DLGAP1: variants seen among roughly 807,000 people sequenced by gnomAD.
DLGAP1 encodes disks large-associated protein 1.
Under a neutral mutation model 90.8 loss-of-function variants are expected in DLGAP1, and 11 were observed. That is an observed-to-expected ratio of 0.12 (90% CI 0.08 to 0.20). The LOEUF is 0.20. Among genes scored for constraint, DLGAP1 ranks in the 10% least tolerant of loss-of-function variants. The pLI is 1.00. For missense variants in DLGAP1, 1,050 were observed against 1,333.8 expected, an observed-to-expected ratio of 0.79 and a Z score of 3.31; for synonymous variants, 558 against 540.7, an observed-to-expected ratio of 1.03 and a Z score of -0.44.
chr18:3,784,554 C>A (rs1451931677), intron 5 of DLGAP1, among the ~76,000 whole-genome samples: 8 of 152,138 alleles, frequency 5.3e-5, no homozygotes, highest in Admixed American at 5.2e-4. Flanking sequence ...TCAACGGCAA[C>A]CCACCCACAA....
chr18:4,162,023 A>G (rs2076854477), intron 1 of DLGAP1, among the ~76,000 whole-genome samples: 6 of 152,150 alleles, frequency 3.9e-5, no homozygotes, highest in Admixed American at 3.9e-4. Flanking sequence ...GTGTCTTAAA[A>G]AAATGTATTC....
At chr18:4,120,368 A>G (rs1264702341) in intron 2 of DLGAP1, among the ~76,000 whole-genome samples, 1 of 152,218 alleles carries the variant, frequency 6.6e-6, no homozygotes, top group Non-Finnish European at 1.5e-5. Context: ...AGACAACATG[A>G]GTTCTGTATC....
Position 4,014,757 on chromosome 18 carries a change from C to T in DLGAP1, c.-158-9556G>A, listed in dbSNP as rs372766132. 6.5e-4 allele frequency among the ~76,000 whole-genome samples: 99 copies of T among 152,246 alleles called. 1 individual carries two copies. In the South Asian group the frequency reaches 0.019, roughly 30 times the overall value. ...TATAGTGTAAATATTAGACTAGAGCCATTCTGGACAAGCACCTGTTCAACA... is the reference window on the plus strand; with the variant it reads ...TATAGTGTAAATATTAGACTAGAGCTATTCTGGACAAGCACCTGTTCAACA... On this transcript the variant is annotated intron_variant, in intron 2 of 12. Transcript: ENST00000315677.
rs986136792 is a variant in DLGAP1 at position 3,691,926 on chromosome 18, TAAAAATAAA to T, written c.1591+37200_1591+37208del. Among the ~76,000 whole-genome samples the T allele has an allele frequency of 2.6e-4, 40 of 151,298 alleles. 1 individual carries two copies. The highest frequency in any genetic ancestry group is 2.4e-3 in the Admixed American group (36 of 15,194). Reference sequence around the variant, plus strand: ...CAGAGCAAGACCCTGTCTCAAAAAATAAAAATAAAAAAAATAAAAAAAGGTTGAGGAATT... The same window carrying T: ...CAGAGCAAGACCCTGTCTCAAAAAATAAAAATAAAAAAAGGTTGAGGAATT... On this transcript the variant is annotated intron_variant, in intron 7 of 12. Transcript: ENST00000315677.
intron 7 of DLGAP1, among the ~76,000 whole-genome samples, chr18:3,639,573 G>T (rs1599672228): frequency 6.6e-6 from 1 of 151,746 alleles, no homozygotes; most frequent in East Asian, 1.9e-4. Flanking sequence ...GGCTTAAAAG[G>T]AATCACAGCC....
chr18:3,570,373 G>A (rs972572299), intron 8 of DLGAP1, among the ~76,000 whole-genome samples: 3 of 151,572 alleles, frequency 2.0e-5, no homozygotes, highest in Admixed American at 6.6e-5. Context: ...CCACCTCCCG[G>A]GTTCAAGTGA....
At chr18:4,107,711 AAATG>A (rs1454143746) in intron 2 of DLGAP1, among the ~76,000 whole-genome samples, 1 of 152,238 alleles carries the variant, frequency 6.6e-6, no homozygotes, top group African/African-American at 2.4e-5. Context: ...TCTACGATAG[AAATG>A]AATGTAATGT....
intron 5 of DLGAP1, chr18:3,770,116 A>T (rs975850858): frequency 6.6e-6 from 1 of 152,142 alleles, no homozygotes; most frequent in African/African-American, 2.4e-5. Flanking sequence ...AACGTCTGCC[A>T]TGATGAACCA....
chr18:3,845,431 T>C, intron 4 of DLGAP1: 1 of 1,352,484 alleles, frequency 7.4e-7, no homozygotes, highest in Non-Finnish European at 9.5e-7. Flanking sequence ...CAACTCAAGA[T>C]TTGCAACTTT....
intron 1 of DLGAP1, among the ~76,000 whole-genome samples, chr18:4,191,757 G>C (rs2050276588): frequency 6.6e-6 from 1 of 152,146 alleles, no homozygotes; most frequent in South Asian, 2.1e-4. Context: ...CTGTAGTGTA[G>C]GTCAGGACAC....
chr18:4,028,469 G>A lies in DLGAP1; in HGVS notation c.-158-23268C>T, dbSNP rs868720091. Among the ~76,000 whole-genome samples the A allele has an allele frequency of 8.5e-5, 13 of 152,232 alleles. No homozygotes were observed. The Middle Eastern group carries it at 0.01, about 119-fold the overall frequency. The stretch of plus-strand genomic sequence containing the variant: ...AAAAAGCAGGCACAGGGCACATCAC[G>A]CCAAATGTTGAAATGATCAAACTAA... On this transcript the variant is annotated intron_variant, in intron 2 of 12. Transcript: ENST00000315677.
intron 7 of DLGAP1, among the ~76,000 whole-genome samples, chr18:3,647,719 C>A (rs1319348548): frequency 6.6e-6 from 1 of 152,148 alleles, no homozygotes; most frequent in Non-Finnish European, 1.5e-5. Flanking sequence ...CCCTCCTTGG[C>A]CTCTCAAAGT....
At chr18:4,350,107 C>G (rs2081377030) in intron 1 of DLGAP1, among the ~76,000 whole-genome samples, 1 of 152,254 alleles carries the variant, frequency 6.6e-6, no homozygotes. Context: ...TTGTTTTCTT[C>G]TTCAATGCCT....
intron 2 of DLGAP1, among the ~76,000 whole-genome samples, chr18:4,009,877 G>C (rs998506677): frequency 6.6e-6 from 1 of 152,292 alleles, no homozygotes; most frequent in African/African-American, 2.4e-5. Flanking sequence ...TGTATGGACA[G>C]GGAGGTAGAG....
chr18:3,533,151 A>G (rs34908092), intron 10 of DLGAP1, among the ~76,000 whole-genome samples: 35,703 of 152,058 alleles, frequency 0.23, 4,261 homozygotes, highest in African/African-American at 0.27. Context: ...AATCAGCTGC[A>G]CATGGGGTGC....
intron 7 of DLGAP1, among the ~76,000 whole-genome samples, chr18:3,666,134 C>G (rs2059874462): frequency 6.6e-6 from 1 of 152,086 alleles, no homozygotes; most frequent in South Asian, 2.1e-4. Flanking sequence ...CCAGGCTACC[C>G]GAGAGCTGGT....
chr18:3,676,219 T>C (rs1174163009), intron 7 of DLGAP1, among the ~76,000 whole-genome samples: 2 of 152,198 alleles, frequency 1.3e-5, no homozygotes, highest in African/African-American at 4.8e-5. Flanking sequence ...AGAAAGTTTA[T>C]TTGCGTAATA....
intron 7 of DLGAP1, among the ~76,000 whole-genome samples, chr18:3,591,552 G>A (rs572920336): frequency 1.3e-5 from 2 of 151,694 alleles, no homozygotes; most frequent in African/African-American, 4.8e-5. Flanking sequence ...GTAGAATCCT[G>A]CCCCAGCCTT....
At chr18:3,777,536 TTTG>T (rs1252221373) in intron 5 of DLGAP1, among the ~76,000 whole-genome samples, 1 of 152,204 alleles carries the variant, frequency 6.6e-6, no homozygotes, top group Non-Finnish European at 1.5e-5. Context: ...TAGAGCTCTG[TTTG>T]TTATTATTTC....
Sources: gnomAD v4.1 joint callset for allele counts (sites outside exome capture counted in the v4.1 genomes callset) on GRCh38, gnomAD v4.1.1 for gene constraint, MANE v1.5 for transcripts, NCBI Gene and HGNC (gene_info 2026-07-23, HGNC 2026-07-21) for gene names.